The following FNDC3B variants were observed in gnomAD, a reference collection of about 807,000 sequenced individuals.
FNDC3B encodes fibronectin type III domain containing 3B, also known as fibronectin type III domain-containing protein 3B.
FNDC3B carries 12 observed loss-of-function variants against 151.5 expected under a neutral mutation model. The ratio of observed to expected loss-of-function variants is 0.08; its 90% CI spans 0.05 to 0.13. The LOEUF (loss-of-function observed/expected upper bound fraction) is 0.13, where lower values mean the gene tolerates loss of function less well. Among genes scored for constraint, FNDC3B ranks in the 10% least tolerant of loss-of-function variants. The pLI, the probability that FNDC3B is intolerant of heterozygous loss-of-function variation, is 1.00. For synonymous variants in FNDC3B, 528 were observed against 549.0 expected (o/e 0.96, Z 0.54); for missense variants, 1,214 against 1,505.3 (o/e 0.81, Z 3.20).
chr3:172,360,025 A>G (rs1470344315), intron 22 of FNDC3B, among the ~76,000 whole-genome samples: 1 of 152,146 alleles, frequency 6.6e-6, no homozygotes, highest in Non-Finnish European at 1.5e-5. Flanking sequence ...AATACCTGGG[A>G]TTGGGATTGC....
At chr3:172,082,094 T>C (rs1486894005) in intron 1 of FNDC3B, among the ~76,000 whole-genome samples, 2 of 152,208 alleles carry the variant, frequency 1.3e-5, no homozygotes, top group Admixed American at 1.3e-4. Context: ...GCCTATTACA[T>C]TTATAAAAGT....
chr3:172,338,312 C>CAGA (rs1553792238), intron 16 of FNDC3B: 1 of 93,162 alleles, frequency 1.1e-5, no homozygotes, highest in African/African-American at 4.5e-5. Flanking sequence ...GACTCTGTCT[C>CAGA]AAAAAAAAAA....
At chr3:172,333,488 A>ATTTTT (rs748224819) in intron 14 of FNDC3B, among the ~76,000 whole-genome samples, 5 of 102,830 alleles carry the variant, frequency 4.9e-5, no homozygotes, top group Admixed American at 2.1e-4. Flanking sequence ...TGCCCGGCTA[A>ATTTTT]TTTTTTTTTT....
intron 3 of FNDC3B, among the ~76,000 whole-genome samples, chr3:172,199,261 G>A (rs1249537623): frequency 6.6e-6 from 1 of 151,278 alleles, no homozygotes; most frequent in Non-Finnish European, 1.5e-5. Flanking sequence ...CTCTCTGCAG[G>A]CTCCGCCTCC....
chr3:172,318,739 C>CCG (rs1731939292), intron 11 of FNDC3B, among the ~76,000 whole-genome samples: 1 of 152,112 alleles, frequency 6.6e-6, no homozygotes, highest in Non-Finnish European at 1.5e-5. Flanking sequence ...CTGCCCAGGC[C>CCG]CACATGCACT....
At chr3:172,326,966 A>G (rs1732385231) in intron 11 of FNDC3B, among the ~76,000 whole-genome samples, 1 of 152,156 alleles carries the variant, frequency 6.6e-6, no homozygotes, top group Non-Finnish European at 1.5e-5. Flanking sequence ...TGCACTGCTT[A>G]CTCTGAGTTC....
intron 3 of FNDC3B, among the ~76,000 whole-genome samples, chr3:172,168,299 C>A (rs1723106805): frequency 6.6e-6 from 1 of 152,188 alleles, no homozygotes; most frequent in Non-Finnish European, 1.5e-5. Context: ...TCCTGCTCTC[C>A]TACTCATCTT....
At chr3:172,113,427 C>T (rs917857732) in intron 2 of FNDC3B, among the ~76,000 whole-genome samples, 1 of 152,242 alleles carries the variant, frequency 6.6e-6, no homozygotes, top group African/African-American at 2.4e-5. Context: ...ACAGTATATC[C>T]AACCTCTGTC....
At chr3:172,368,069 T>C (rs1734714935) in intron 23 of FNDC3B, among the ~76,000 whole-genome samples, 1 of 152,016 alleles carries the variant, frequency 6.6e-6, no homozygotes, top group South Asian at 2.1e-4. Flanking sequence ...ATAAAAATGG[T>C]CGGGAACCTG....
chr3:172,082,395 C>G (rs557068097), intron 1 of FNDC3B, among the ~76,000 whole-genome samples: 94 of 152,314 alleles, frequency 6.2e-4, no homozygotes, highest in African/African-American at 2.2e-3. Flanking sequence ...ATTTCTGCTT[C>G]TGGTGAAATG....
At chr3:172,093,896 T>C (rs142603665) in intron 1 of FNDC3B, among the ~76,000 whole-genome samples, 1 of 152,354 alleles carries the variant, frequency 6.6e-6, no homozygotes, top group African/African-American at 2.4e-5. Flanking sequence ...CTCTGGATTT[T>C]TAAACAGCTG....
At chr3:172,067,006 A>G (rs1717533975) in intron 1 of FNDC3B, among the ~76,000 whole-genome samples, 1 of 152,152 alleles carries the variant, frequency 6.6e-6, no homozygotes, top group African/African-American at 2.4e-5. Flanking sequence ...GTCTTGTACC[A>G]GATCACCCTT....
intron 25 of FNDC3B, among the ~76,000 whole-genome samples, chr3:172,394,106 T>TAAAAAAAAAAACAAAAAAAAAA (rs1736155046): frequency 6.0e-5 from 1 of 16,644 alleles, no homozygotes; most frequent in Non-Finnish European, 1.1e-4. Context: ...AGACTCCTTC[T>TAAAAAAAAAAACAAAAAAAAAA]AAAAAAAAAA....
intron 22 of FNDC3B, among the ~76,000 whole-genome samples, chr3:172,357,590 C>T (rs995958391): frequency 6.6e-6 from 1 of 152,130 alleles, no homozygotes; most frequent in Non-Finnish European, 1.5e-5. Context: ...ATTATTTTCC[C>T]ATACTGTGTT....
At chr3:172,212,768 C>T (rs1450718481) in intron 3 of FNDC3B, among the ~76,000 whole-genome samples, 1 of 152,194 alleles carries the variant, frequency 6.6e-6, no homozygotes, top group African/African-American at 2.4e-5. Context: ...AATCCCATAT[C>T]TCCACTGAGC....
rs1322452059 is a variant in FNDC3B at position 172,267,161 on chromosome 3, T to A, written c.790+15620T>A. 3.6e-5 allele frequency among the ~76,000 whole-genome samples: 5 copies of A among 139,014 alleles called. No individual in the cohort carries two copies. The South Asian group carries it at 8.5e-4, about 24-fold the overall frequency. The allele number at this position is 139,014 out of a possible 152,430, so 91.2% of individuals were successfully genotyped here. Reference sequence around the variant, plus strand: ...ACGTAGGGAAATCTACACACACACTTTTTTTTTTTTTTTGAACAGGGTCTC... The same window carrying A: ...ACGTAGGGAAATCTACACACACACTATTTTTTTTTTTTTGAACAGGGTCTC... On this transcript the variant is annotated intron_variant, in intron 6 of 25. Transcript: ENST00000415807.
chr3:172,330,485 A>G (rs1354441702), intron 12 of FNDC3B, 56 bp from the exon 13 acceptor site: 1 of 1,494,782 alleles, frequency 6.7e-7, no homozygotes, highest in South Asian at 1.3e-5. Context: ...CCTCTTTTAA[A>G]ATGCCAAGCC....
chr3:172,283,086 C>A (rs145658963), intron 6 of FNDC3B, among the ~76,000 whole-genome samples: 1 of 152,326 alleles, frequency 6.6e-6, no homozygotes, highest in East Asian at 1.9e-4. Context: ...TGTAGGTGCT[C>A]AGGAAATGTC....
chr3:172,091,562 T>C (rs1190990324), intron 1 of FNDC3B, among the ~76,000 whole-genome samples: 1 of 152,214 alleles, frequency 6.6e-6, no homozygotes, highest in East Asian at 1.9e-4. Context: ...AAAGTGTGTG[T>C]GCGTTTGTGT....
Sources: gnomAD v4.1 joint callset for allele counts (sites outside exome capture counted in the v4.1 genomes callset) on GRCh38, gnomAD v4.1.1 for gene constraint, MANE v1.5 for transcripts, NCBI Gene and HGNC (gene_info 2026-07-23, HGNC 2026-07-21) for gene names.